Variants in CXCL13 observed in about 807,000 individuals in gnomAD.
The protein encoded by CXCL13 is C-X-C motif chemokine ligand 13, also known as C-X-C motif chemokine 13.
Under a neutral mutation model 12.2 loss-of-function variants are expected in CXCL13, and 7 were observed. That is an observed-to-expected ratio of 0.57 (90% CI 0.33 to 1.07). The LOEUF (loss-of-function observed/expected upper bound fraction) is 1.07. Among genes scored for constraint, CXCL13 ranks in the 50% least tolerant of loss-of-function variants. The probability of loss-of-function intolerance (pLI) is 0.04; values close to 1 mark genes in which losing one functional copy is unlikely to be tolerated. For synonymous variants in CXCL13, 47 were observed against 42.4 expected, an observed-to-expected ratio of 1.11 and a Z score of -0.42; for missense variants, 113 against 127.4, an observed-to-expected ratio of 0.89 and a Z score of 0.55.
At chr4:77,598,257 A>G (rs1480454805) in intron 1 of CXCL13, among the ~76,000 whole-genome samples, 2 of 152,214 alleles carry the variant, frequency 1.3e-5, no homozygotes, top group Admixed American at 6.5e-5. Context: ...CGAGTCTGCC[A>G]TATTAGTTTG....
chr4:77,576,533 G>A (rs958358317), intron 1 of CXCL13, among the ~76,000 whole-genome samples: 1 of 152,180 alleles, frequency 6.6e-6, no homozygotes, highest in Admixed American at 6.5e-5. Context: ...CTCATACCTT[G>A]TTTACACCAT....
At chr4:77,555,373 A>G (rs2109809325) in intron 1 of CXCL13, among the ~76,000 whole-genome samples, 1 of 152,210 alleles carries the variant, frequency 6.6e-6, no homozygotes, top group South Asian at 2.1e-4. Context: ...GAAACCTAAT[A>G]GCACTGTATT....
In CXCL13 at chr4:77,577,043, C is replaced by T. The variant is rs149302053; in HGVS notation, c.-42-28781C>T. Among the ~76,000 whole-genome samples, 530 of 152,266 alleles carry T rather than the reference C, an allele frequency of 3.5e-3. 3 individuals are homozygous for T. The highest frequency in any genetic ancestry group is 0.012 in the African/African-American group (506 of 41,540). ...GACTGCAGCTCAGAAGGAACAAAAG[C>T]ATAGATAGCTTTTATGGGTAATGTA... is the stretch of plus-strand genomic sequence containing the variant. On this transcript the variant is annotated intron_variant, in intron 1 of 4. Coordinates refer to the CXCL13 transcript ENST00000286758.
chr4:77,549,793 G>T (rs1216872341), intron 1 of CXCL13, among the ~76,000 whole-genome samples: 3 of 152,326 alleles, frequency 2.0e-5, no homozygotes, highest in South Asian at 2.1e-4. Flanking sequence ...CTACTTGGGG[G>T]TCAGAAACCC....
chr4:77,610,896 A>G, intron 3 of CXCL13, 92 bp from the exon 4 acceptor site: 8 of 1,159,054 alleles, frequency 6.9e-6, no homozygotes, highest in Middle Eastern at 1.9e-4. Context: ...GCCAGTATAC[A>G]TAAGAGTCCT....
intron 1 of CXCL13, among the ~76,000 whole-genome samples, chr4:77,589,841 G>T (rs1021760424): frequency 1.9e-4 from 29 of 152,298 alleles, no homozygotes; most frequent in African/African-American, 7.0e-4. Context: ...ATTAGACAGA[G>T]GAAATTAGGA....
At chr4:77,522,805 C>A (rs551840626) in intron 1 of CXCL13, among the ~76,000 whole-genome samples, 1 of 151,866 alleles carries the variant, frequency 6.6e-6, no homozygotes, top group Non-Finnish European at 1.5e-5. Flanking sequence ...TTCATAGCAT[C>A]GATGGTCTTT....
At chr4:77,595,210 A>T (rs952155258) in intron 1 of CXCL13, among the ~76,000 whole-genome samples, 2 of 151,480 alleles carry the variant, frequency 1.3e-5, no homozygotes, top group Admixed American at 6.6e-5. Context: ...GCTGTTTTTG[A>T]GTTATCTTCT....
At chr4:77,531,128 AT>A (rs1237738128) in intron 1 of CXCL13, among the ~76,000 whole-genome samples, 1 of 146,996 alleles carries the variant, frequency 6.8e-6, no homozygotes, top group Non-Finnish European at 1.5e-5. Context: ...TATTATTATT[AT>A]TATCATTATT....
At chr4:77,559,461 C>A (rs1725747796) in intron 1 of CXCL13, among the ~76,000 whole-genome samples, 1 of 152,154 alleles carries the variant, frequency 6.6e-6, no homozygotes, top group Admixed American at 6.5e-5. Flanking sequence ...AGAAGGGTGG[C>A]TGTCTTCACC....
At chr4:77,608,166 C>A (rs929282358) in intron 2 of CXCL13, among the ~76,000 whole-genome samples, 2 of 152,112 alleles carry the variant, frequency 1.3e-5, no homozygotes, top group African/African-American at 4.8e-5. Context: ...AGTGGCCAGG[C>A]GTGGTGGCTC....
At chr4:77,512,578 A>G (rs1724301676) in intron 1 of CXCL13, among the ~76,000 whole-genome samples, 1 of 151,724 alleles carries the variant, frequency 6.6e-6, no homozygotes, top group South Asian at 2.1e-4. Context: ...CTGTGTCCAA[A>G]TTTTCTCTTC....
intron 2 of CXCL13, 106 bp from the exon 3 acceptor site, chr4:77,610,508 A>C: frequency 1.1e-6 from 1 of 894,414 alleles, no homozygotes. Flanking sequence ...CTCCAATTTC[A>C]CTTCATCTAG....
chr4:77,542,831 T>A (rs1175813105), intron 1 of CXCL13, among the ~76,000 whole-genome samples: 1 of 152,152 alleles, frequency 6.6e-6, no homozygotes, highest in Non-Finnish European at 1.5e-5. Context: ...TTTTCTTTCT[T>A]TGTTGTGCCT....
intron 1 of CXCL13, among the ~76,000 whole-genome samples, chr4:77,580,308 C>CTTTATTTTTTTTTT: frequency 5.7e-5 from 1 of 17,628 alleles, no homozygotes; most frequent in Non-Finnish European, 1.1e-4. Context: ...AGTTTTCTTT[C>CTTTATTTTTTTTTT]TTTTTTTTTT....
chr4:77,603,705 T>G (rs1578073562), upstream of CXCL13, among the ~76,000 whole-genome samples: 2 of 152,200 alleles, frequency 1.3e-5, no homozygotes, highest in East Asian at 3.9e-4. Flanking sequence ...TGGATGGGGG[T>G]GGTGGATGGA....
At chr4:77,554,042 T>A (rs989998574) in intron 1 of CXCL13, among the ~76,000 whole-genome samples, 1 of 152,148 alleles carries the variant, frequency 6.6e-6, no homozygotes, top group South Asian at 2.1e-4. Flanking sequence ...ATGTATTTTA[T>A]AATATCGTGT....
At chr4:77,548,109 C>T (rs533740031) in intron 1 of CXCL13, among the ~76,000 whole-genome samples, 1 of 152,170 alleles carries the variant, frequency 6.6e-6, no homozygotes, top group East Asian at 1.9e-4. Flanking sequence ...ATAAAACAGG[C>T]CAGCAGAAGT....
chr4:77,605,463 C>A (rs961536997), upstream of CXCL13, among the ~76,000 whole-genome samples: 1 of 152,094 alleles, frequency 6.6e-6, no homozygotes, highest in African/African-American at 2.4e-5. Context: ...GAGTATATAT[C>A]TAATGCCACT....
Sources: allele counts gnomAD v4.1 joint callset (sites outside exome capture counted in the v4.1 genomes callset), GRCh38; gene constraint gnomAD v4.1.1; transcripts MANE v1.5; gene names NCBI Gene and HGNC (gene_info 2026-07-23, HGNC 2026-07-21).